The following PCDHA11 variants were observed in gnomAD, a reference collection of about 807,000 sequenced individuals.
PCDHA11 encodes protocadherin alpha-11.
PCDHA11 carries 61 observed loss-of-function variants against 70.3 expected under a neutral mutation model. The ratio of observed to expected loss-of-function variants is 0.87; its 90% CI spans 0.71 to 1.07. PCDHA11 has a LOEUF of 1.07. Ranked by LOEUF, PCDHA11 falls within the 50% of genes least tolerant of loss-of-function variation. PCDHA11 has a pLI of 0.00. For missense variants in PCDHA11, 1,324 were observed against 1,237.5 expected (o/e 1.07, Z -1.05); for synonymous variants, 633 against 555.1 (o/e 1.14, Z -1.97).
chr5:141,006,465 G>T (rs1338372692), intron 3 of PCDHA11, among the ~76,000 whole-genome samples: 3 of 151,948 alleles, frequency 2.0e-5, no homozygotes, highest in Non-Finnish European at 4.4e-5. Context: ...TGCCTGTCTC[G>T]GCCTCCCAAA....
intron 1 of PCDHA11, chr5:140,884,248 G>A: frequency 1.2e-6 from 2 of 1,613,458 alleles, no homozygotes; most frequent in Non-Finnish European, 1.7e-6. Flanking sequence ...CCGCGCTGAC[G>A]GCCACGGCAA....
intron 1 of PCDHA11, among the ~76,000 whole-genome samples, chr5:140,937,820 G>T (rs554138611): frequency 2.6e-5 from 4 of 151,792 alleles, no homozygotes; most frequent in African/African-American, 9.7e-5. Flanking sequence ...GCTGAGGCAG[G>T]AGAATGGCAT....
intron 1 of PCDHA11, among the ~76,000 whole-genome samples, chr5:140,872,848 A>T: frequency 1.3e-5 from 2 of 152,332 alleles, no homozygotes; most frequent in African/African-American, 4.8e-5. Context: ...AAATATATTA[A>T]TGTGAGTACC....
chr5:141,009,820 CT>C lies in PCDHA11; in HGVS notation c.2735del (p.Phe912SerfsTer2). On this transcript the variant is annotated frameshift_variant, in exon 4 of 4. Transcript: ENST00000398640. LOFTEE classifies it high-confidence loss of function. ...CTAACAGCCAAATTGACAAAAGTGACTTCATAACCTTCGGCAAAAAGGAGGA... is the reference window on the plus strand; with the variant it reads ...CTAACAGCCAAATTGACAAAAGTGACTCATAACCTTCGGCAAAAAGGAGGA... ...PTNSQIDKSDFITFGKKEETK... is the reference protein window; with the variant it reads ...PTNSQIDKSDXITFGKKEETK... 6.2e-7 allele frequency: 1 copy of C among 1,613,960 alleles called. No individual in the cohort carries two copies. Among genetic ancestry groups the C allele is most frequent in the Non-Finnish European group, 8.5e-7 (1 of 1,179,996 alleles).
At chr5:140,889,637 G>A (rs184352635) in intron 1 of PCDHA11, among the ~76,000 whole-genome samples, 5 of 151,668 alleles carry the variant, frequency 3.3e-5, no homozygotes, top group Admixed American at 3.3e-4. Context: ...CTTTTCATTT[G>A]TGTTTGCAGG....
chr5:140,874,903 C>A (rs543752012), intron 1 of PCDHA11, among the ~76,000 whole-genome samples: 1 of 152,054 alleles, frequency 6.6e-6, no homozygotes, highest in Non-Finnish European at 1.5e-5. Context: ...TAAAATCTTA[C>A]GATGGAGTGC....
rs199564677 is a variant in PCDHA11, at chr5:140,869,509, A to C, written c.406A>C (p.Arg136=). The change falls in exon 1 of 4, where the codon AGA becomes CGA. Residue 136 remains arginine (R), a synonymous_variant. Transcript: ENST00000398640. ...INDNPPVFSL[R]EQKLLIAESK... ...CGACAACCCGCCGGTGTTCTCGCTC[A>C]GAGAACAAAAGCTGCTGATTGCGGA... The C allele has an allele frequency of 6.2e-7, 1 of 1,614,206 alleles. No homozygotes were observed. Among genetic ancestry groups the C allele is most frequent in the Non-Finnish European group, 8.5e-7 (1 of 1,180,036 alleles).
At chr5:140,916,264 A>G (rs1455161672) in intron 1 of PCDHA11, among the ~76,000 whole-genome samples, 1 of 152,200 alleles carries the variant, frequency 6.6e-6, no homozygotes, top group East Asian at 1.9e-4. Flanking sequence ...CCCCAAGAGC[A>G]TGCTTGTTGC....
intron 1 of PCDHA11, among the ~76,000 whole-genome samples, chr5:140,904,023 A>G (rs2070780912): frequency 1.3e-5 from 2 of 152,198 alleles, no homozygotes; most frequent in Admixed American, 6.5e-5. Flanking sequence ...AAATAATGGT[A>G]TAATTTAACT....
At chr5:140,976,688 G>T (rs1343503965) in intron 1 of PCDHA11, among the ~76,000 whole-genome samples, 2 of 152,118 alleles carry the variant, frequency 1.3e-5, no homozygotes, top group East Asian at 3.8e-4. Context: ...TGCAATTTAA[G>T]TACAATAATG....
At chr5:140,951,407 A>C (rs115221257) in intron 1 of PCDHA11, among the ~76,000 whole-genome samples, 1 of 152,068 alleles carries the variant, frequency 6.6e-6, no homozygotes, top group Admixed American at 6.6e-5. Flanking sequence ...AAAGAGGTTT[A>C]ATTGGCTCAC....
Position 140,881,317 on chromosome 5 carries a change from T to A in PCDHA11, c.2391+9823T>A, listed in dbSNP as rs2058663628. On this transcript the variant is annotated intron_variant, in intron 1 of 3. Coordinates refer to ENST00000398640, the MANE Select transcript of PCDHA11 (RefSeq NM_018902.5). ...GGAAACTTTAACCTCCTGGTTAAAT[T>A]CTATTTAACCAGGACGCCGATTCGG... 8.2e-6 allele frequency: 8 copies of A among 977,378 alleles called. No individual in the cohort carries two copies. The Admixed American group carries it at 4.9e-4, about 60-fold the overall frequency. The allele number at this position is 977,378 out of a possible 1,614,324, so 60.5% of individuals were successfully genotyped here.
At chr5:140,968,044 A>C (rs959631573) in intron 1 of PCDHA11, 2 of 1,614,142 alleles carry the variant, frequency 1.2e-6, no homozygotes, top group Non-Finnish European at 1.7e-6. Context: ...TGAGCGGCCC[A>C]CTGGACCGAG....
At chr5:140,872,792 G>A (rs1474880199) in intron 1 of PCDHA11, among the ~76,000 whole-genome samples, 1 of 152,054 alleles carries the variant, frequency 6.6e-6, no homozygotes, top group Non-Finnish European at 1.5e-5. Context: ...ATGCTAGTTG[G>A]CATTCTTCCA....
At position 140,875,445 on chromosome 5, in the gene PCDHA11, C is replaced by G; in HGVS notation, c.2391+3951C>G. The G allele has an allele frequency of 2.5e-6, 4 of 1,582,278 alleles. No individual in the cohort carries two copies. The South Asian group carries it at 3.5e-5, about 14-fold the overall frequency. On this transcript the variant is annotated intron_variant, in intron 1 of 3. Transcript: ENST00000398640. Reference sequence around the variant, plus strand: ...CAAGCGATCCCTTAAAACTGATTGTCCCAACTCAGAGGCCCTCATTTTCTG... The same window carrying G: ...CAAGCGATCCCTTAAAACTGATTGTGCCAACTCAGAGGCCCTCATTTTCTG...
intron 1 of PCDHA11, among the ~76,000 whole-genome samples, chr5:140,946,434 T>C (rs1554217579): frequency 2.0e-5 from 3 of 151,312 alleles, no homozygotes; most frequent in South Asian, 2.1e-4. Context: ...TACTCAAAAA[T>C]TGAGACTAAA....
At position 140,871,394 on chromosome 5, in the gene PCDHA11, C is replaced by G. The variant is rs782179742; in HGVS notation, c.2291C>G (p.Pro764Arg). ...AGGGTGTGCTCTGAGGAGGGCCCAC[C>G]TAAGACGGACCTCATGGCCTTCAGC... ...RQRVCSEEGP[P>R]KTDLMAFSPS... The change falls in exon 1 of 4, where the codon CCT becomes CGT. Residue 764 changes from proline (P) to arginine (R), a missense_variant. By Grantham distance (103) the Pro-to-Arg change is moderately radical. Coordinates refer to ENST00000398640, the MANE Select transcript of PCDHA11 (RefSeq NM_018902.5). The G allele has an allele frequency of 6.2e-7, 1 of 1,614,042 alleles. No homozygotes were observed. Among genetic ancestry groups the G allele is most frequent in the Admixed American group, 1.7e-5 (1 of 59,992 alleles).
chr5:140,978,575 G>A (rs2096810585), intron 1 of PCDHA11, among the ~76,000 whole-genome samples: 1 of 152,202 alleles, frequency 6.6e-6, no homozygotes, highest in African/African-American at 2.4e-5. Flanking sequence ...ATACTGAATT[G>A]GGAATGTTCC....
chr5:140,880,365 C>A (rs1462418898), intron 1 of PCDHA11, among the ~76,000 whole-genome samples: 1 of 151,976 alleles, frequency 6.6e-6, no homozygotes, highest in Non-Finnish European at 1.5e-5. Flanking sequence ...TAGATGAAAA[C>A]CATGAGAGAA....
Sources: allele counts gnomAD v4.1 joint callset (sites outside exome capture counted in the v4.1 genomes callset), GRCh38; gene constraint gnomAD v4.1.1; transcripts MANE v1.5; gene names NCBI Gene and HGNC (gene_info 2026-07-23, HGNC 2026-07-21).